Variants in DOCK7 observed in about 807,000 individuals in gnomAD.
The protein encoded by DOCK7 is dedicator of cytokinesis protein 7.
In DOCK7, 138 loss-of-function variants were observed where a neutral mutation model predicts 271.0. The observed-to-expected ratio is 0.51, with a 90% CI of 0.44 to 0.59. DOCK7 has a LOEUF of 0.59. Ranked by LOEUF, DOCK7 falls within the 20% of genes least tolerant of loss-of-function variation. The pLI is 0.00. For missense variants in DOCK7, 2,066 were observed against 2,592.4 expected, an observed-to-expected ratio of 0.80 and a Z score of 4.41; for synonymous variants, 823 against 876.1, an observed-to-expected ratio of 0.94 and a Z score of 1.07.
chr1:62,494,539 CAG>C, intron 39 of DOCK7, 72 bp from the exon 40 acceptor site: 1 of 1,406,000 alleles, frequency 7.1e-7, no homozygotes, highest in Non-Finnish European at 9.7e-7. Context: ...ATAGCTCGCT[CAG>C]AGTTTACCTA....
intron 31 of DOCK7, among the ~76,000 whole-genome samples, chr1:62,524,611 A>G (rs920184296): frequency 6.6e-6 from 1 of 152,026 alleles, no homozygotes; most frequent in Admixed American, 6.6e-5. Context: ...AAACTACAGT[A>G]TTTTGGCAGG....
chr1:62,534,571 T>C (rs1043203379), intron 29 of DOCK7, among the ~76,000 whole-genome samples: 48 of 152,238 alleles, frequency 3.2e-4, no homozygotes, highest in African/African-American at 1.1e-3. Context: ...GCTGAAATCA[T>C]GCCACTGTTG....
chr1:62,520,579 C>T lies in DOCK7; in HGVS notation c.3937-6681G>A, dbSNP rs974364813. 5.3e-5 allele frequency among the ~76,000 whole-genome samples: 8 copies of T among 152,114 alleles called. No homozygotes were observed. In the South Asian group the frequency reaches 8.3e-4, roughly 16 times the overall value. On this transcript the variant is annotated intron_variant, in intron 31 of 49. Coordinates refer to ENST00000635253, the MANE Select transcript of DOCK7 (RefSeq NM_001367561.1). ...TACCATCTCACACCAGTTAGAGTGGCGATCATTAAAAAGTCAGGAAACAAC... is the reference window on the plus strand; with the variant it reads ...TACCATCTCACACCAGTTAGAGTGGTGATCATTAAAAAGTCAGGAAACAAC...
At chr1:62,642,531 C>G (rs1303686468) in intron 7 of DOCK7, among the ~76,000 whole-genome samples, 2 of 152,098 alleles carry the variant, frequency 1.3e-5, no homozygotes, top group African/African-American at 4.8e-5. Flanking sequence ...AATGGTTACT[C>G]AAGAACTTTT....
At chr1:62,527,067 A>T (rs1243189122) in intron 31 of DOCK7, among the ~76,000 whole-genome samples, 1 of 152,158 alleles carries the variant, frequency 6.6e-6, no homozygotes, top group African/African-American at 2.4e-5. Context: ...TTGATATGTA[A>T]ATAATCTTAA....
At chr1:62,471,540 G>A (rs79942541) in intron 48 of DOCK7, among the ~76,000 whole-genome samples, 2,886 of 152,252 alleles carry the variant, frequency 0.019, 43 homozygotes, top group Middle Eastern at 0.065. Flanking sequence ...GCATGGTGGT[G>A]CACACCATAA....
At chr1:62,607,261 T>A (rs1023053954) in intron 14 of DOCK7, among the ~76,000 whole-genome samples, 2 of 152,076 alleles carry the variant, frequency 1.3e-5, no homozygotes, top group African/African-American at 4.8e-5. Flanking sequence ...CTACCCACCT[T>A]TCCCTCCTTT....
intron 10 of DOCK7, among the ~76,000 whole-genome samples, chr1:62,632,908 C>T (rs1002595984): frequency 2.0e-4 from 30 of 151,804 alleles, no homozygotes; most frequent in African/African-American, 7.3e-4. Context: ...ACCCAGGAAG[C>T]GGAGGTTGCA....
intron 14 of DOCK7, chr1:62,601,285 G>C: frequency 1.1e-6 from 1 of 934,032 alleles, no homozygotes; most frequent in South Asian, 1.4e-5. Flanking sequence ...AGATAGTTAA[G>C]AGATATCCAT....
intron 7 of DOCK7, chr1:62,641,188 C>A (rs1044316923): frequency 4.8e-5 from 17 of 354,614 alleles, no homozygotes; most frequent in African/African-American, 3.2e-4. Flanking sequence ...TTCTTTTGGC[C>A]TGTTTCTATA....
chr1:62,503,264 G>C (rs1646838393), intron 37 of DOCK7, among the ~76,000 whole-genome samples: 1 of 151,778 alleles, frequency 6.6e-6, no homozygotes, highest in Non-Finnish European at 1.5e-5. Context: ...TCTAGTATAT[G>C]TTTAACTCAA....
chr1:62,485,330 T>C, intron 43 of DOCK7: 12 of 985,322 alleles, frequency 1.2e-5, no homozygotes, highest in Non-Finnish European at 1.4e-5. Context: ...TACTAAGTTT[T>C]AGAGTTATCT....
Position 62,539,820 on chromosome 1 carries a change from G to C in DOCK7, c.3118C>G (p.Arg1040Gly), listed in dbSNP as rs1443849347. Residue 1040 changes from arginine to glycine, a missense_variant, in exon 26 of 50, where the codon CGT becomes GGT. Coordinates refer to ENST00000635253, the MANE Select transcript of DOCK7 (RefSeq NM_001367561.1). ...AGAGCTGCAATGTCATCCATGAAACGTTCTGGAAAACGACTTTTCCTTGGA... is the reference window on the plus strand; with the variant it reads ...AGAGCTGCAATGTCATCCATGAAACCTTCTGGAAAACGACTTTTCCTTGGA... ...EAPRKSRFPE[R>G]FMDDIAALVS... 6.2e-7 allele frequency: 1 copy of C among 1,613,564 alleles called. No individual in the cohort carries two copies. Among genetic ancestry groups the C allele is most frequent in the Admixed American group, 1.7e-5 (1 of 59,960 alleles).
In DOCK7 at chr1:62,535,535, A is replaced by G. The variant is rs1645316268; in HGVS notation, c.3569T>C (p.Val1190Ala). ...FRQQHYLAGLVLTELAVILDP... is the reference protein window; with the variant it reads ...FRQQHYLAGLALTELAVILDP... The stretch of plus-strand genomic sequence containing the variant: ...TAAAATGACAGCCAGCTCTGTTAAC[A>G]CAAGTCCTGCCAAATAATGCTGTTG... The change falls in exon 29 of 50, where the codon GTG becomes GCG. Residue 1190 changes from valine (V) to alanine (A), a missense_variant. Val to Ala is a moderately conservative substitution (Grantham distance 64). Transcript: ENST00000635253. 6.2e-7 allele frequency: 1 copy of G among 1,614,098 alleles called. No individual in the cohort carries two copies.
chr1:62,596,549 C>T (rs1649277279), intron 14 of DOCK7, among the ~76,000 whole-genome samples: 1 of 151,962 alleles, frequency 6.6e-6, no homozygotes, highest in African/African-American at 2.4e-5. Flanking sequence ...ATCGGCTGGG[C>T]TCATGCCTGT....
At chr1:62,514,284 G>C (rs1644592875) in intron 31 of DOCK7, among the ~76,000 whole-genome samples, 1 of 152,100 alleles carries the variant, frequency 6.6e-6, no homozygotes. Flanking sequence ...CAGTAAATAA[G>C]AGTGGGCTAA....
intron 11 of DOCK7, chr1:62,629,711 T>TCATTTAA (rs1654387235): frequency 1.3e-5 from 2 of 152,328 alleles, no homozygotes; most frequent in South Asian, 4.1e-4. Context: ...CAGTAAGTCC[T>TCATTTAA]CATTTAACAT....
chr1:62,673,680 T>C lies in DOCK7; in HGVS notation c.39-10550A>G, dbSNP rs137885403. 5.3e-3 allele frequency among the ~76,000 whole-genome samples: 814 copies of C among 152,282 alleles called. 12 individuals are homozygous for C. Among genetic ancestry groups the C allele is most frequent in the African/African-American group, 0.018 (768 of 41,564 alleles). On this transcript the variant is annotated intron_variant, in intron 1 of 49. Coordinates refer to ENST00000635253, the MANE Select transcript of DOCK7 (RefSeq NM_001367561.1). ...TTACCCATAAACATACAAAATTATA[T>C]CCTGGTGTAAAGTATACATAATTAG...
At chr1:62,499,375 G>A (rs903570926) in intron 37 of DOCK7, among the ~76,000 whole-genome samples, 1 of 152,078 alleles carries the variant, frequency 6.6e-6, no homozygotes, top group Non-Finnish European at 1.5e-5. Flanking sequence ...ATAAAAGATG[G>A]GGGAATAGAA....
Sources: gnomAD v4.1 joint callset for allele counts (sites outside exome capture counted in the v4.1 genomes callset) on GRCh38, gnomAD v4.1.1 for gene constraint, MANE v1.5 for transcripts, NCBI Gene and HGNC (gene_info 2026-07-23, HGNC 2026-07-21) for gene names.